Variants in RAB37 observed in about 807,000 individuals in gnomAD.
RAB37 encodes the protein ras-related protein Rab-37.
RAB37 carries 29 observed loss-of-function variants against 33.1 expected under a neutral mutation model. The ratio of observed to expected loss-of-function variants is 0.88; its 90% CI spans 0.65 to 1.20. The LOEUF (loss-of-function observed/expected upper bound fraction) is 1.20, where lower values mean the gene tolerates loss of function less well. Ranked by LOEUF, RAB37 falls within the 50% of genes most tolerant of loss-of-function variation. The pLI is 0.00. For synonymous variants in RAB37, 128 were observed against 119.5 expected (o/e 1.07, Z -0.47); for missense variants, 299 against 301.1 (o/e 0.99, Z 0.05).
Position 74,745,752 on chromosome 17 carries a change from G to A in RAB37, c.*341G>A. The A allele has an allele frequency of 4.2e-6, 1 of 236,568 alleles. No homozygotes were observed. The highest frequency in any genetic ancestry group is 8.3e-6 in the Non-Finnish European group (1 of 119,972). The allele number at this position is 236,568 out of a possible 1,614,324, so 14.7% of individuals were successfully genotyped here. Reference sequence around the variant, plus strand: ...CCTCCCTCCTAAGCATAACAAAGGTGGTGTTGCTCCAGCTCAGCCCCAGGG... The same window carrying A: ...CCTCCCTCCTAAGCATAACAAAGGTAGTGTTGCTCCAGCTCAGCCCCAGGG... On this transcript the variant is annotated 3_prime_UTR_variant, in exon 9 of 9. Transcript: ENST00000392613. This position sits in a 1 kb window ranked among gnomAD's most constrained non-coding sequence, Gnocchi z 4.5.
upstream of RAB37, chr17:74,737,109 A>C (rs2034491481): frequency 6.2e-7 from 1 of 1,602,438 alleles, no homozygotes; most frequent in Non-Finnish European, 8.5e-7. Context: ...GCCCTCAGGG[A>C]ACAGCAAGGT....
chr17:74,696,328 C>A, intron 1 of RAB37: 1 of 1,166,324 alleles, frequency 8.6e-7, no homozygotes, highest in Non-Finnish European at 1.2e-6. Context: ...TGGGTCCAGG[C>A]TCAGAGACAG....
At chr17:74,736,956 G>T, upstream of RAB37, 1 of 1,532,804 alleles carries the variant, frequency 6.5e-7, no homozygotes, top group Non-Finnish European at 8.8e-7. Flanking sequence ...GGTCCCCGCG[G>T]CCCGCTCCCC....
At chr17:74,675,433 G>GA (rs55820534) in intron 1 of RAB37, among the ~76,000 whole-genome samples, 2,889 of 130,268 alleles carry the variant, frequency 0.022, 79 homozygotes, top group African/African-American at 0.065. Context: ...GACTCCATCC[G>GA]AAAAAAAAAA....
At chr17:74,695,742 C>T (rs1278096989) in intron 1 of RAB37, 1 of 1,614,196 alleles carries the variant, frequency 6.2e-7, no homozygotes, top group East Asian at 2.2e-5. Context: ...ACATATTCCA[C>T]TTCCACCTGG....
intron 1 of RAB37, among the ~76,000 whole-genome samples, chr17:74,739,749 T>G (rs2034564123): frequency 6.6e-6 from 1 of 151,902 alleles, no homozygotes; most frequent in Admixed American, 6.6e-5. Flanking sequence ...CAGGCTGGTC[T>G]CAAACTCCCA....
chr17:74,742,278 G>A lies in RAB37; in HGVS notation c.229G>A (p.Val77Met), dbSNP rs145019795. ...FRNKVVTVDGVRVKLQIWDTA... is the reference protein window; with the variant it reads ...FRNKVVTVDGMRVKLQIWDTA... ...GAACAAGGTGGTGACTGTGGATGGC[G>A]TGAGAGTGAAGCTGCAGGTGAGACC... Residue 77 changes from valine to methionine, a missense_variant, in exon 3 of 9, where the codon GTG becomes ATG. Physicochemically the swap from Val to Met is conservative, Grantham distance 21. Transcript: ENST00000392613. The surrounding 1 kb of genome is among the most constrained non-coding windows in gnomAD (Gnocchi z 4.0). The A allele has an allele frequency of 2.7e-5, 43 of 1,613,190 alleles. No individual in the cohort carries two copies. Among genetic ancestry groups the A allele is most frequent in the Admixed American group, 6.7e-5 (4 of 59,934 alleles).
At chr17:74,703,915 C>T (rs531671775) in intron 1 of RAB37, among the ~76,000 whole-genome samples, 1 of 152,380 alleles carries the variant, frequency 6.6e-6, no homozygotes, top group East Asian at 1.9e-4. Context: ...TAAGTCCACA[C>T]ACACAAATGG....
chr17:74,745,324 C>G lies in RAB37; in HGVS notation c.585C>G (p.Ala195=), dbSNP rs201075341. 6.2e-7 allele frequency: 1 copy of G among 1,613,916 alleles called. No individual in the cohort carries two copies. The highest frequency in any genetic ancestry group is 8.5e-7 in the Non-Finnish European group (1 of 1,179,988). Residue 195 remains alanine, a synonymous_variant, in exon 9 of 9, where the codon GCC becomes GCG. Transcript: ENST00000392613. The surrounding 1 kb of genome is among the most constrained non-coding windows in gnomAD (Gnocchi z 4.5). ...CTTCAAGGGAACTGAAATACCGGGC[C>G]GGGCATCAGGCGGATGAGCCCAGCT... is the stretch of plus-strand genomic sequence containing the variant. ...LAIAKELKYR[A]GHQADEPSFQ...
intron 1 of RAB37, among the ~76,000 whole-genome samples, chr17:74,700,315 T>G (rs1390080204): frequency 6.6e-6 from 1 of 152,098 alleles, no homozygotes; most frequent in Non-Finnish European, 1.5e-5. Flanking sequence ...CCAGCCTCAC[T>G]TCCTGCTGCT....
At chr17:74,712,585 T>C (rs961174235) in intron 1 of RAB37, among the ~76,000 whole-genome samples, 3 of 152,206 alleles carry the variant, frequency 2.0e-5, no homozygotes, top group Non-Finnish European at 4.4e-5. Context: ...GTCTGTCCAT[T>C]TCACATGATC....
At chr17:74,726,346 C>T (rs1398771409) in intron 1 of RAB37, among the ~76,000 whole-genome samples, 2 of 151,920 alleles carry the variant, frequency 1.3e-5, no homozygotes, top group Non-Finnish European at 1.5e-5. Flanking sequence ...CCCCGGACCT[C>T]AGTGAGCTGG....
At position 74,742,201 on chromosome 17, in the gene RAB37, C is replaced by G; in HGVS notation, c.205-53C>G. 2 of 1,601,704 alleles carry G rather than the reference C, an allele frequency of 1.2e-6. No individual in the cohort carries two copies. Among genetic ancestry groups the G allele is most frequent in the South Asian group, 1.1e-5 (1 of 88,944 alleles). On this transcript the variant is annotated intron_variant, in intron 2 of 8. Transcript: ENST00000392613. The surrounding 1 kb of genome is among the most constrained non-coding windows in gnomAD (Gnocchi z 4.0). Reference sequence around the variant, plus strand: ...GGAACAAGACAGGACGTCTGCAGAGCTGAGGAGCCACATGACTCCTGCCCT... The same window carrying G: ...GGAACAAGACAGGACGTCTGCAGAGGTGAGGAGCCACATGACTCCTGCCCT...
At chr17:74,725,195 GC>G (rs776644445) in intron 1 of RAB37, among the ~76,000 whole-genome samples, 1 of 150,956 alleles carries the variant, frequency 6.6e-6, no homozygotes, top group Admixed American at 6.6e-5. Context: ...CCTGTCCCCA[GC>G]CCCCCACCCA....
chr17:74,703,477 T>C (rs1202353117), intron 1 of RAB37, among the ~76,000 whole-genome samples: 1 of 152,128 alleles, frequency 6.6e-6, no homozygotes, highest in African/African-American at 2.4e-5. Flanking sequence ...CCCAGCCCTA[T>C]TTATCCAGCA....
At chr17:74,701,274 T>C (rs1310688289) in intron 1 of RAB37, among the ~76,000 whole-genome samples, 2 of 152,226 alleles carry the variant, frequency 1.3e-5, no homozygotes, top group Non-Finnish European at 1.5e-5. Context: ...TAGCTCTAGA[T>C]TGTAAGTACC....
At position 74,729,220 on chromosome 17, in the gene RAB37, C is replaced by G; in HGVS notation, c.73-36C>G. On this transcript the variant is annotated intron_variant, in intron 1 of 7. Transcript: ENST00000340415. The surrounding 1 kb of genome is among the most constrained non-coding windows in gnomAD (Gnocchi z 4.2). ...ACACCTCTGAGGCCAACTCACATCA[C>G]AGGCCCTCAGCTCTCTCTCTATTGT... is the stretch of plus-strand genomic sequence containing the variant. The G allele has an allele frequency of 6.6e-7, 1 of 1,512,216 alleles. No homozygotes were observed. Among genetic ancestry groups the G allele is most frequent in the Non-Finnish European group, 9.2e-7 (1 of 1,086,994 alleles). The allele number at this position is 1,512,216 out of a possible 1,614,324, so 93.7% of individuals were successfully genotyped here. A position where few individuals can be genotyped will look rare whatever the true frequency, so the allele number is the denominator to read the frequency against.
At position 74,744,510 on chromosome 17, in the gene RAB37, A is replaced by C; in HGVS notation, c.432+137A>C. On this transcript the variant is annotated intron_variant, in intron 6 of 8. Coordinates refer to ENST00000392613, the MANE Select transcript of RAB37 (RefSeq NM_001006638.3). This position sits in a 1 kb window ranked among gnomAD's most constrained non-coding sequence, Gnocchi z 4.2. ...AGCCTCCAGCTCAGGGGTCAGACAT[A>C]TCTGGAGGCTTCTGCCCATCCCATC... 1.2e-6 allele frequency: 1 copy of C among 805,828 alleles called. No individual in the cohort carries two copies. The highest frequency in any genetic ancestry group is 2.1e-6 in the Non-Finnish European group (1 of 484,458). The allele number at this position is 805,828 out of a possible 1,614,324, so 49.9% of individuals were successfully genotyped here.
intron 1 of RAB37, among the ~76,000 whole-genome samples, chr17:74,711,031 C>G (rs970464300): frequency 2.0e-5 from 3 of 151,972 alleles, no homozygotes; most frequent in African/African-American, 7.3e-5. Flanking sequence ...AGACTGAGAC[C>G]CCAACTCAAA....
Sources: allele counts gnomAD v4.1 joint callset (sites outside exome capture counted in the v4.1 genomes callset), GRCh38; gene constraint gnomAD v4.1.1; non-coding constraint Gnocchi (gnomAD v3.1); transcripts MANE v1.5; gene names NCBI Gene and HGNC (gene_info 2026-07-23, HGNC 2026-07-21).